FOXN1: variants seen among roughly 807,000 people sequenced by gnomAD.
FOXN1 encodes forkhead box protein N1.
Under a neutral mutation model 49.0 loss-of-function variants are expected in FOXN1, and 15 were observed. That is an observed-to-expected ratio of 0.31 (90% CI 0.20 to 0.47). FOXN1 has a LOEUF of 0.47. Among genes scored for constraint, FOXN1 ranks in the 20% least tolerant of loss-of-function variants. The probability of loss-of-function intolerance (pLI) is 1.00; values close to 1 mark genes in which losing one functional copy is unlikely to be tolerated. For missense variants in FOXN1, 800 were observed against 842.8 expected (o/e 0.95, Z 0.63); for synonymous variants, 356 against 369.0 (o/e 0.96, Z 0.40).
intron 1 of FOXN1, among the ~76,000 whole-genome samples, chr17:28,508,230 A>G (rs1483780820): frequency 6.6e-6 from 1 of 152,208 alleles, no homozygotes; most frequent in Non-Finnish European, 1.5e-5. Context: ...GAAACTAGAG[A>G]AAAATTAGGG....
chr17:28,537,288 C>G lies in FOXN1; in HGVS notation c.1799C>G (p.Pro600Arg). ...TGSGAGDLAA[P>R]GSGGSGALGD... ...AGTGGGGCAGGTGACTTGGCAGCCC[C>G]GGGCAGTGGTGGCTCCGGGGCACTG... The change falls in exon 9 of 9, where the codon CCG (proline) becomes CGG (arginine). Residue 600 changes from proline to arginine, a missense_variant. Physicochemically the swap from Pro to Arg is moderately radical, Grantham distance 103. Coordinates refer to ENST00000579795, the MANE Select transcript of FOXN1 (RefSeq NM_001369369.1). 6.2e-7 allele frequency: 1 copy of G among 1,613,974 alleles called. No homozygotes were observed. The highest frequency in any genetic ancestry group is 8.5e-7 in the Non-Finnish European group (1 of 1,179,982).
At chr17:28,508,231 A>G (rs1239472060) in intron 1 of FOXN1, among the ~76,000 whole-genome samples, 1 of 152,196 alleles carries the variant, frequency 6.6e-6, no homozygotes, top group African/African-American at 2.4e-5. Context: ...AAACTAGAGA[A>G]AAATTAGGGG....
chr17:28,537,154 C>G lies in FOXN1; in HGVS notation c.1665C>G (p.Ala555=). The change falls in exon 9 of 9, where the codon GCC becomes GCG. Residue 555 remains alanine (A), a synonymous_variant. Coordinates refer to ENST00000579795, the MANE Select transcript of FOXN1 (RefSeq NM_001369369.1). ...AACAGTTGAAGGATGATAGCTTGGC[C>G]CTCGACCCCCTGGTACTGGTGACCT... ...LWEQLKDDSL[A]LDPLVLVTSS... is the part of the protein sequence containing the mutation. 6.2e-7 allele frequency: 1 copy of G among 1,614,062 alleles called. No homozygotes were observed. Among genetic ancestry groups the G allele is most frequent in the Non-Finnish European group, 8.5e-7 (1 of 1,179,962 alleles).
rs772887798 is a variant in FOXN1 at position 28,534,579 on chromosome 17, T to A, written c.1135+41T>A. On this transcript the variant is annotated intron_variant, in intron 7 of 8. Transcript: ENST00000579795. This position sits in a 1 kb window ranked among gnomAD's most constrained non-coding sequence, Gnocchi z 4.1. ...CCACGCAAGGAAGGGCCCAGGGTAC[T>A]CATGAGCCAAAAAAAAAAAAAAGAG... is the stretch of plus-strand genomic sequence containing the variant. 6.9e-6 allele frequency: 11 copies of A among 1,587,018 alleles called. No homozygotes were observed. Among genetic ancestry groups the A allele is most frequent in the Non-Finnish European group, 9.4e-6 (11 of 1,170,886 alleles).
intron 5 of FOXN1, 118 bp downstream of exon 5, chr17:28,529,342 G>A (rs570079769): frequency 7.5e-4 from 954 of 1,276,398 alleles, no homozygotes; most frequent in Non-Finnish European, 9.8e-4. Flanking sequence ...AATCATACCA[G>A]TGGGCTTCCA....
At chr17:28,513,889 AAGGGGT>A (rs2069442223) in intron 1 of FOXN1, among the ~76,000 whole-genome samples, 1 of 152,110 alleles carries the variant, frequency 6.6e-6, no homozygotes, top group Non-Finnish European at 1.5e-5. Flanking sequence ...GGCGAAAAGG[AAGGGGT>A]GCTGGGCAAA....
intron 4 of FOXN1, among the ~76,000 whole-genome samples, chr17:28,527,655 G>T (rs979368844): frequency 6.6e-6 from 1 of 152,208 alleles, no homozygotes; most frequent in Admixed American, 6.5e-5. Flanking sequence ...GCCAGAAATG[G>T]GGGAAGGAGG....
intron 1 of FOXN1, among the ~76,000 whole-genome samples, chr17:28,516,869 C>T (rs1321153301): frequency 1.9e-5 from 1 of 52,478 alleles, no homozygotes; most frequent in African/African-American, 5.4e-5. Flanking sequence ...CACAACTCCA[C>T]TGGGTACACA....
chr17:28,537,591 C>A lies in FOXN1; in HGVS notation c.*155C>A. The A allele has an allele frequency of 1.4e-6, 1 of 696,432 alleles. No homozygotes were observed. The highest frequency in any genetic ancestry group is 2.6e-6 in the Non-Finnish European group (1 of 387,046). The allele number at this position is 696,432 out of a possible 1,614,324, so 43.1% of individuals were successfully genotyped here. On this transcript the variant is annotated 3_prime_UTR_variant, in exon 9 of 9. Coordinates refer to ENST00000579795, the MANE Select transcript of FOXN1 (RefSeq NM_001369369.1). Reference sequence around the variant, plus strand: ...GTGTGTCAGCTGGTAGCTGGGGGCGCAGAGGACATCACCTGGGGTGCTGCC... The same window carrying A: ...GTGTGTCAGCTGGTAGCTGGGGGCGAAGAGGACATCACCTGGGGTGCTGCC...
At chr17:28,536,980 A>G (rs542063007) in intron 8 of FOXN1, 137 bp from the exon 9 acceptor site, 1 of 737,344 alleles carries the variant, frequency 1.4e-6, no homozygotes, top group Middle Eastern at 2.3e-4. Context: ...GTCACAAGCT[A>G]GTGCCAGGCT....
intron 3 of FOXN1, 128 bp downstream of exon 3, chr17:28,525,095 G>A (rs968337178): frequency 2.6e-6 from 2 of 780,850 alleles, no homozygotes; most frequent in African/African-American, 1.7e-5. Flanking sequence ...CAAGACCAGA[G>A]AGTTGGGGCC....
At chr17:28,511,143 C>T (rs1184320420) in intron 1 of FOXN1, among the ~76,000 whole-genome samples, 1 of 152,164 alleles carries the variant, frequency 6.6e-6, no homozygotes, top group Non-Finnish European at 1.5e-5. Context: ...GGGAGGGCCT[C>T]CCAGTGCACT....
At chr17:28,509,885 G>A (rs1224467944) in intron 1 of FOXN1, among the ~76,000 whole-genome samples, 2 of 152,186 alleles carry the variant, frequency 1.3e-5, no homozygotes, top group African/African-American at 4.8e-5. Flanking sequence ...GGGATTTTTA[G>A]GGTTGATTAG....
chr17:28,534,385 T>G lies in FOXN1; in HGVS notation c.982T>G (p.Cys328Gly). The change falls in exon 7 of 9, where the codon TGC becomes GGC. Residue 328 changes from cysteine (C) to glycine (G), a missense_variant. Physicochemically the swap from Cys to Gly is radical, Grantham distance 159. Around this residue, in one of 3 missense-constraint regions of FOXN1, gnomAD observed 73 missense variants for 118.9 expected, o/e 0.61. Coordinates refer to ENST00000579795, the MANE Select transcript of FOXN1 (RefSeq NM_001369369.1). This position sits in a 1 kb window ranked among gnomAD's most constrained non-coding sequence, Gnocchi z 4.1. The stretch of plus-strand genomic sequence containing the variant: ...CCGGCACAACCTATCCCTCAACAAG[T>G]GCTTCGAGAAGGTGGAGAACAAATC... Reference protein sequence around the residue: ...SVRHNLSLNKCFEKVENKSGS... With the variant: ...SVRHNLSLNKGFEKVENKSGS... 1 of 1,614,068 alleles carries G rather than the reference T, an allele frequency of 6.2e-7. No homozygotes were observed. Among genetic ancestry groups the G allele is most frequent in the Non-Finnish European group, 8.5e-7 (1 of 1,180,000 alleles).
intron 1 of FOXN1, among the ~76,000 whole-genome samples, chr17:28,510,759 G>A (rs2069379006): frequency 6.6e-6 from 1 of 152,214 alleles, no homozygotes; most frequent in Non-Finnish European, 1.5e-5. Context: ...AGCCCACGTT[G>A]GGCACCAAGA....
chr17:28,527,604 T>A (rs1347671891), intron 4 of FOXN1, among the ~76,000 whole-genome samples: 2 of 151,992 alleles, frequency 1.3e-5, no homozygotes, highest in East Asian at 3.9e-4. Flanking sequence ...AGGCCTCAGA[T>A]AAGAGTGTGG....
chr17:28,506,480 C>T (rs1214516453), intron 1 of FOXN1, 37 bp downstream of exon 1: 2 of 152,312 alleles, frequency 1.3e-5, no homozygotes, highest in African/African-American at 4.8e-5. Context: ...CCGTGGAGGC[C>T]AGCAGGGCCG....
intron 1 of FOXN1, among the ~76,000 whole-genome samples, chr17:28,514,029 G>A (rs1016113477): frequency 6.6e-6 from 1 of 152,198 alleles, no homozygotes; most frequent in Non-Finnish European, 1.5e-5. Context: ...TGAATGGCAG[G>A]AAGGACAGGA....
intron 1 of FOXN1, among the ~76,000 whole-genome samples, chr17:28,510,570 GCACACACACGCACA>G (rs1292770043): frequency 5.0e-5 from 4 of 79,422 alleles, no homozygotes; most frequent in South Asian, 4.9e-4. Flanking sequence ...ACACACACAC[GCACACACACGCACA>G]CACACACACA....
Sources: allele counts gnomAD v4.1 joint callset (sites outside exome capture counted in the v4.1 genomes callset), GRCh38; gene constraint gnomAD v4.1.1; regional missense constraint gnomAD v4.1.1; non-coding constraint Gnocchi (gnomAD v3.1); transcripts MANE v1.5; gene names NCBI Gene and HGNC (gene_info 2026-07-23, HGNC 2026-07-21).